The following SEC11A variants were observed in gnomAD, a reference collection of about 807,000 sequenced individuals.
SEC11A encodes the protein signal peptidase complex catalytic subunit SEC11A.
In SEC11A, 14 loss-of-function variants were observed where a neutral mutation model predicts 25.6. The observed-to-expected ratio is 0.55, with a 90% CI of 0.36 to 0.85. The LOEUF is 0.85. Among genes scored for constraint, SEC11A ranks in the 40% least tolerant of loss-of-function variants. The pLI is 0.01. For synonymous variants in SEC11A, 83 were observed against 76.4 expected, an observed-to-expected ratio of 1.09 and a Z score of -0.45; for missense variants, 153 against 222.9, an observed-to-expected ratio of 0.69 and a Z score of 2.00.
chr15:84,672,811 G>A (rs1477315863), intron 4 of SEC11A: 1 of 214,440 alleles, frequency 4.7e-6, no homozygotes, highest in Non-Finnish European at 9.5e-6. Context: ...TCCCATCTAG[G>A]AAATGAGGAG....
chr15:84,709,022 CATT>C (rs1335372661), intron 1 of SEC11A, among the ~76,000 whole-genome samples: 3 of 151,988 alleles, frequency 2.0e-5, no homozygotes, highest in Non-Finnish European at 4.4e-5. Context: ...GCTAAGCACA[CATT>C]TATGGGAGTC....
intron 1 of SEC11A, among the ~76,000 whole-genome samples, chr15:84,700,449 C>G (rs948189835): frequency 1.5e-4 from 22 of 151,102 alleles, no homozygotes; most frequent in African/African-American, 4.9e-4. Flanking sequence ...CAAAAATTAG[C>G]CGGGCATGGT....
At chr15:84,708,205 CAAAA>C (rs71132699) in intron 1 of SEC11A, among the ~76,000 whole-genome samples, 3 of 35,404 alleles carry the variant, frequency 8.5e-5, no homozygotes, top group Admixed American at 3.6e-4. Context: ...GGCTCTGTCT[CAAAA>C]AAAAAAAAAA....
In SEC11A at chr15:84,669,919, C is replaced by T. The variant is rs776160581; in HGVS notation, c.*100G>A. ...AACCAGTGCTACCCAGAAGCACCAACACGTGTGTTCTCCATTCCACCAATC... is the reference window on the plus strand; with the variant it reads ...AACCAGTGCTACCCAGAAGCACCAATACGTGTGTTCTCCATTCCACCAATC... On this transcript the variant is annotated 3_prime_UTR_variant, in exon 6 of 6. Coordinates refer to ENST00000268220, the MANE Select transcript of SEC11A (RefSeq NM_014300.4). 8.2e-6 allele frequency: 13 copies of T among 1,591,626 alleles called. No individual in the cohort carries two copies. In the African/African-American group the frequency reaches 9.4e-5, roughly 12 times the overall value.
intron 1 of SEC11A, among the ~76,000 whole-genome samples, chr15:84,708,086 CT>C (rs1190471836): frequency 1.3e-5 from 2 of 151,138 alleles, no homozygotes; most frequent in Non-Finnish European, 2.9e-5. Flanking sequence ...TGGCACACGC[CT>C]GTAATCCCAG....
chr15:84,713,866 G>T (rs1230608189), intron 1 of SEC11A, among the ~76,000 whole-genome samples: 1 of 152,086 alleles, frequency 6.6e-6, no homozygotes, highest in Non-Finnish European at 1.5e-5. Flanking sequence ...CAACTTAAAT[G>T]CTAGTTTCTC....
intron 1 of SEC11A, among the ~76,000 whole-genome samples, chr15:84,713,091 G>A (rs1053587670): frequency 6.6e-6 from 1 of 151,920 alleles, no homozygotes; most frequent in African/African-American, 2.4e-5. Context: ...CTACTTGGGA[G>A]GCTGAGGCAG....
chr15:84,694,172 T>C (rs144320963), intron 1 of SEC11A, among the ~76,000 whole-genome samples: 1,977 of 152,034 alleles, frequency 0.013, 44 homozygotes, highest in African/African-American at 0.044. Context: ...CTGGCCAACA[T>C]GGCGAAACCC....
At chr15:84,706,355 G>A (rs757063385) in intron 1 of SEC11A, among the ~76,000 whole-genome samples, 10 of 152,078 alleles carry the variant, frequency 6.6e-5, no homozygotes, top group Non-Finnish European at 1.0e-4. Context: ...AATTGGCTAG[G>A]GTGATTGATC....
At chr15:84,679,516 G>C (rs1214362898) in intron 4 of SEC11A, among the ~76,000 whole-genome samples, 3 of 152,172 alleles carry the variant, frequency 2.0e-5, no homozygotes, top group African/African-American at 7.2e-5. Flanking sequence ...GCGTATCTCA[G>C]ACCTGCTTAC....
At chr15:84,702,427 C>G (rs1897975691) in intron 1 of SEC11A, among the ~76,000 whole-genome samples, 1 of 150,678 alleles carries the variant, frequency 6.6e-6, no homozygotes, top group African/African-American at 2.4e-5. Flanking sequence ...GCATGCACCA[C>G]TGCACTCCAG....
chr15:84,679,835 G>C, intron 4 of SEC11A: 1 of 823,164 alleles, frequency 1.2e-6, no homozygotes, highest in South Asian at 1.7e-5. Flanking sequence ...TGAGTCTCTG[G>C]TACACAATAA....
At chr15:84,682,610 A>C (rs1019443554) in intron 3 of SEC11A, among the ~76,000 whole-genome samples, 19 of 151,768 alleles carry the variant, frequency 1.3e-4, no homozygotes, top group African/African-American at 4.6e-4. Context: ...CACCACACCC[A>C]GCTATTTTTT....
intron 1 of SEC11A, among the ~76,000 whole-genome samples, chr15:84,709,856 C>T (rs1473216108): frequency 7.2e-5 from 11 of 152,144 alleles, no homozygotes. Context: ...GATTCTTGTG[C>T]CTCAGCCACC....
chr15:84,694,414 G>A (rs767458227), intron 1 of SEC11A, among the ~76,000 whole-genome samples: 1 of 151,752 alleles, frequency 6.6e-6, no homozygotes, highest in African/African-American at 2.4e-5. Flanking sequence ...TGTAATACTA[G>A]GCAATTCTTA....
At chr15:84,670,354 A>C (rs1162912698) in intron 5 of SEC11A, 7 of 295,136 alleles carry the variant, frequency 2.4e-5, no homozygotes, top group Non-Finnish European at 4.4e-5. Flanking sequence ...CTCGTGCCTC[A>C]GCCTCCCCAG....
intron 2 of SEC11A, among the ~76,000 whole-genome samples, chr15:84,688,949 T>C (rs1311543894): frequency 6.7e-6 from 1 of 150,022 alleles, no homozygotes; most frequent in African/African-American, 2.5e-5. Context: ...AAGAATCACT[T>C]GAACCCAGGA....
chr15:84,689,039 A>G (rs1197435231), intron 2 of SEC11A, among the ~76,000 whole-genome samples: 1 of 151,760 alleles, frequency 6.6e-6, no homozygotes, highest in African/African-American at 2.4e-5. Flanking sequence ...CAAAAAAAAA[A>G]AAAAAAGAAG....
intron 1 of SEC11A, among the ~76,000 whole-genome samples, chr15:84,701,213 T>C (rs867934966): frequency 4.7e-5 from 7 of 149,974 alleles, no homozygotes; most frequent in Non-Finnish European, 1.0e-4. Flanking sequence ...CATGCACTTA[T>C]AGTCCCAGCT....
Sources: gnomAD v4.1 joint callset for allele counts (sites outside exome capture counted in the v4.1 genomes callset) on GRCh38, gnomAD v4.1.1 for gene constraint, MANE v1.5 for transcripts, NCBI Gene and HGNC (gene_info 2026-07-23, HGNC 2026-07-21) for gene names.